Variants in SCARB2 observed in about 807,000 individuals in gnomAD.
SCARB2 encodes the protein scavenger receptor class B member 2.
SCARB2 carries 29 observed loss-of-function variants against 58.6 expected under a neutral mutation model. The ratio of observed to expected loss-of-function variants is 0.49; its 90% CI spans 0.37 to 0.67. The LOEUF (loss-of-function observed/expected upper bound fraction) is 0.67, where lower values mean the gene tolerates loss of function less well. SCARB2 is among the 30% of genes least tolerant of loss of function. The probability of loss-of-function intolerance (pLI) is 0.00; values close to 1 mark genes in which losing one functional copy is unlikely to be tolerated. For missense variants in SCARB2, 488 were observed against 578.5 expected (o/e 0.84, Z 1.60); for synonymous variants, 195 against 210.1 (o/e 0.93, Z 0.62).
rs1733123955 is a variant in SCARB2 at position 76,213,630 on chromosome 4, G to C, written c.-87C>G. On this transcript the variant is annotated 5_prime_UTR_variant, in exon 1 of 12. Transcript: ENST00000264896. ...GAGGAGCCGCCGCAGAGGCGTCGAA[G>C]ACCCGGGACCCTTCGGCGCCACGCC... The C allele has an allele frequency of 1.9e-6, 2 of 1,070,326 alleles. No homozygotes were observed. 66.3% of individuals were successfully genotyped at this position (1,070,326 alleles called of 1,614,324 possible).
At chr4:76,215,257 T>C (rs1411623942), upstream of SCARB2, among the ~76,000 whole-genome samples, 1 of 152,238 alleles carries the variant, frequency 6.6e-6, no homozygotes, top group African/African-American at 2.4e-5. Flanking sequence ...TGTATTATCC[T>C]CATTTTACAC....
intron 9 of SCARB2, among the ~76,000 whole-genome samples, chr4:76,168,037 T>C (rs1028837817): frequency 1.3e-5 from 2 of 152,088 alleles, no homozygotes; most frequent in African/African-American, 4.8e-5. Flanking sequence ...TCAAGGTGCA[T>C]GAGGGAAAGG....
chr4:76,177,171 T>C (rs534128533), intron 4 of SCARB2: 1 of 152,136 alleles, frequency 6.6e-6, no homozygotes, highest in South Asian at 2.1e-4. Context: ...TTTTAAAAAG[T>C]AGGAGCTCAA....
intron 4 of SCARB2, among the ~76,000 whole-genome samples, chr4:76,177,833 A>G (rs1732284843): frequency 6.6e-6 from 1 of 152,230 alleles, no homozygotes; most frequent in Admixed American, 6.5e-5. Context: ...GCAAATTCAC[A>G]GAGCCAGAAA....
intron 2 of SCARB2, chr4:76,194,049 C>A (rs997976326): frequency 6.6e-6 from 1 of 152,322 alleles, no homozygotes; most frequent in Middle Eastern, 3.4e-3. Context: ...TGACTTCTCA[C>A]GAGATCTTGT....
intron 1 of SCARB2, among the ~76,000 whole-genome samples, chr4:76,219,603 A>G (rs1560726553): frequency 6.6e-6 from 1 of 152,170 alleles, no homozygotes; most frequent in South Asian, 2.1e-4. Flanking sequence ...TTTACTCAGC[A>G]TCTCTTTCTG....
chr4:76,190,860 G>C (rs1365057687), intron 2 of SCARB2, among the ~76,000 whole-genome samples: 1 of 152,172 alleles, frequency 6.6e-6, no homozygotes, highest in Non-Finnish European at 1.5e-5. Context: ...TAATAGGGTA[G>C]CCACTAGACA....
intron 9 of SCARB2, among the ~76,000 whole-genome samples, chr4:76,167,607 A>G (rs935436910): frequency 2.0e-5 from 3 of 151,490 alleles, no homozygotes; most frequent in Non-Finnish European, 2.9e-5. Context: ...ACAGAACTGT[A>G]AGCCAATTAA....
At chr4:76,206,482 G>C (rs1304984796) in intron 1 of SCARB2, among the ~76,000 whole-genome samples, 1 of 152,066 alleles carries the variant, frequency 6.6e-6, no homozygotes, top group Admixed American at 6.6e-5. Flanking sequence ...AATCATTCAT[G>C]AGACAAACAT....
chr4:76,172,428 A>C (rs1732152210), intron 7 of SCARB2, among the ~76,000 whole-genome samples: 1 of 151,762 alleles, frequency 6.6e-6, no homozygotes, highest in Non-Finnish European at 1.5e-5. Flanking sequence ...GCTAATTTTT[A>C]AATTTTTTGT....
rs1289120590 is a variant in SCARB2, at chr4:76,168,442, A to G, written c.1148T>C (p.Phe383Ser). The change falls in exon 9 of 12, where the codon TTC (phenylalanine) becomes TCC (serine). Residue 383 changes from phenylalanine (F) to serine (S), a missense_variant. By Grantham distance (155) the Phe-to-Ser change is radical. Coordinates refer to ENST00000264896, the MANE Select transcript of SCARB2 (RefSeq NM_005506.4). The part of the protein sequence containing the change: ...TGIILKAAKR[F>S]QINIYVKKLD... ...TTTTTTGACATAAATGTTGATTTGG[A>G]ACCTCTTGGCTGCTTTTAGGATTAT... is the stretch of plus-strand genomic sequence containing the variant. 3 of 1,614,072 alleles carry G rather than the reference A, an allele frequency of 1.9e-6. No individual in the cohort carries two copies. In the African/African-American group the frequency reaches 4.0e-5, roughly 22 times the overall value.
chr4:76,220,253 G>A (rs571794254), intron 1 of SCARB2, among the ~76,000 whole-genome samples: 9 of 152,272 alleles, frequency 5.9e-5, no homozygotes, highest in African/African-American at 1.4e-4. Flanking sequence ...AGGTGGAACC[G>A]ACCCAAATGT....
chr4:76,197,737 TAAAC>T (rs1461213885), intron 1 of SCARB2, among the ~76,000 whole-genome samples: 4 of 152,126 alleles, frequency 2.6e-5, no homozygotes, highest in Non-Finnish European at 4.4e-5. Context: ...AGACTGCAAA[TAAAC>T]AAACCAAAAT....
chr4:76,228,677 C>A lies in SCARB2; in HGVS notation c.-358+5626G>T, dbSNP rs7693244. On this transcript the variant is annotated intron_variant, in intron 1 of 11. Coordinates refer to the SCARB2 transcript ENST00000638295. ...TGCTTAAGGAGGCTAAAGATAGTAC[C>A]CCAATCCTTTCTGGCTTGTAGAGAT... Among the ~76,000 whole-genome samples the A allele has an allele frequency of 5.8e-3, 878 of 152,196 alleles. 11 individuals are homozygous for A. Among genetic ancestry groups the A allele is most frequent in the African/African-American group, 0.02 (831 of 41,542 alleles).
chr4:76,211,116 A>C (rs553716007), intron 1 of SCARB2, among the ~76,000 whole-genome samples: 1 of 152,374 alleles, frequency 6.6e-6, no homozygotes, highest in African/African-American at 2.4e-5. Context: ...TCCTACAATA[A>C]TACACATGCA....
chr4:76,181,240 C>T lies in SCARB2; in HGVS notation c.276-139G>A, dbSNP rs1732377226. 8.4e-6 allele frequency: 7 copies of T among 829,892 alleles called. No individual in the cohort carries two copies. In the South Asian group the frequency reaches 1.0e-4, roughly 12 times the overall value. The allele number at this position is 829,892 out of a possible 1,614,324, so 51.4% of individuals were successfully genotyped here. A position where few individuals can be genotyped will look rare whatever the true frequency, so the allele number is the denominator to read the frequency against. On this transcript the variant is annotated intron_variant, in intron 2 of 11. Coordinates refer to ENST00000264896, the MANE Select transcript of SCARB2 (RefSeq NM_005506.4). ...TTATATAGAGACTGCAGCTACTAAG[C>T]CTTAAAAAGCTGGAGATCGAAGCTA...
upstream of SCARB2, chr4:76,214,117 G>C: frequency 2.4e-6 from 1 of 412,154 alleles, no homozygotes; most frequent in Admixed American, 2.8e-5. Flanking sequence ...TACTCATTCC[G>C]CAGATAGGTC....
At position 76,213,585 on chromosome 4, in the gene SCARB2, G is replaced by A. The variant is rs1733121305; in HGVS notation, c.-42C>T. 4 of 1,539,586 alleles carry A rather than the reference G, an allele frequency of 2.6e-6. No individual in the cohort carries two copies. The highest frequency in any genetic ancestry group is 2.3e-5 in the East Asian group (1 of 44,132). On this transcript the variant is annotated 5_prime_UTR_variant, in exon 1 of 12. Coordinates refer to ENST00000264896, the MANE Select transcript of SCARB2 (RefSeq NM_005506.4). Reference sequence around the variant, plus strand: ...GGGCCGGGCCGGGCCGCACCCGCCAGGGATCCAACTGCAAGGAGGGAGGAG... The same window carrying A: ...GGGCCGGGCCGGGCCGCACCCGCCAAGGATCCAACTGCAAGGAGGGAGGAG...
intron 7 of SCARB2, chr4:76,173,923 A>G (rs1367771601): frequency 5.1e-6 from 3 of 594,034 alleles, no homozygotes; most frequent in African/African-American, 1.8e-5. Flanking sequence ...GGCTGACAAT[A>G]TATTCTTTTT....
Sources: gnomAD v4.1 joint callset for allele counts (sites outside exome capture counted in the v4.1 genomes callset) on GRCh38, gnomAD v4.1.1 for gene constraint, MANE v1.5 for transcripts, NCBI Gene and HGNC (gene_info 2026-07-23, HGNC 2026-07-21) for gene names.